The following NUCKS1 variants were observed in gnomAD, a reference collection of about 807,000 sequenced individuals.
NUCKS1 encodes nuclear casein kinase and cyclin dependent kinase substrate 1.
Under a neutral mutation model 33.0 loss-of-function variants are expected in NUCKS1, and 2 were observed. That is an observed-to-expected ratio of 0.06 (90% CI 0.02 to 0.19). The LOEUF is 0.19. Ranked by LOEUF, NUCKS1 falls within the 10% of genes least tolerant of loss-of-function variation. The pLI, the probability that NUCKS1 is intolerant of heterozygous loss-of-function variation, is 1.00. For synonymous variants in NUCKS1, 106 were observed against 102.8 expected, an observed-to-expected ratio of 1.03 and a Z score of -0.19; for missense variants, 201 against 293.6, an observed-to-expected ratio of 0.68 and a Z score of 2.31.
Position 205,750,049 on chromosome 1 carries a change from C to T in NUCKS1, c.-76G>A. The T allele has an allele frequency of 9.3e-7, 1 of 1,081,074 alleles. No individual in the cohort carries two copies. The highest frequency in any genetic ancestry group is 1.7e-5 in the African/African-American group (1 of 57,568). The allele number at this position is 1,081,074 out of a possible 1,614,324, so 67.0% of individuals were successfully genotyped here. On this transcript the variant is annotated 5_prime_UTR_variant, in exon 1 of 7. The change creates a new upstream start codon in the 5' untranslated region. Transcript: ENST00000367142. ...CCCACCCCGCGCGCTCGGCGCCCCACCCCCCCCGAACTTCAGCCGATGGGA... is the reference window on the plus strand; with the variant it reads ...CCCACCCCGCGCGCTCGGCGCCCCATCCCCCCCGAACTTCAGCCGATGGGA...
rs111265946 is a variant in NUCKS1, at chr1:205,750,063, C to A, written c.-90G>T. The A allele has an allele frequency of 0.059, 70,686 of 1,192,850 alleles. 2,035 individuals are homozygous for A. Among genetic ancestry groups the A allele is most frequent in the Non-Finnish European group, 0.067 (59,730 of 893,784 alleles). The allele number at this position is 1,192,850 out of a possible 1,614,324, so 73.9% of individuals were successfully genotyped here. On this transcript the variant is annotated 5_prime_UTR_variant, in exon 1 of 7. Transcript: ENST00000367142. ...TCGGCGCCCCACCCCCCCCGAACTT[C>A]AGCCGATGGGACCGCTGCTGCCGAA...
intron 1 of NUCKS1, 25 bp downstream of exon 1, chr1:205,749,932 T>G: frequency 2.0e-6 from 3 of 1,536,768 alleles, no homozygotes; most frequent in Non-Finnish European, 1.8e-6. Context: ...TCCAACCCGC[T>G]CCAGGCCTCA....
intron 1 of NUCKS1, among the ~76,000 whole-genome samples, chr1:205,748,381 T>C (rs1186029642): frequency 1.3e-5 from 2 of 152,196 alleles, no homozygotes; most frequent in East Asian, 1.9e-4. Flanking sequence ...AGACAAAAGA[T>C]CCAATCCAGG....
chr1:205,730,984 T>G (rs1653897282), intron 1 of NUCKS1, among the ~76,000 whole-genome samples: 2 of 152,228 alleles, frequency 1.3e-5, no homozygotes, highest in Admixed American at 6.5e-5. Flanking sequence ...AGGTTATTAC[T>G]AAGCTTTTCA....
In NUCKS1 at chr1:205,719,639, A is replaced by G; in HGVS notation, c.420T>C (p.Asp140=). 6.2e-7 allele frequency: 1 copy of G among 1,612,398 alleles called. No individual in the cohort carries two copies. Among genetic ancestry groups the G allele is most frequent in the Non-Finnish European group, 8.5e-7 (1 of 1,179,570 alleles). The part of the protein sequence containing the change: ...SGSDEDFLME[D]DDDSDYGSSK... ...AACTGCCATAGTCACTATCGTCATC[A>G]TCTTCCATTAGGAAATCTTCATCGC... The change falls in exon 6 of 7, where the codon GAT becomes GAC. Residue 140 remains aspartate, a synonymous_variant. Coordinates refer to ENST00000367142, the MANE Select transcript of NUCKS1 (RefSeq NM_022731.5).
At chr1:205,733,943 T>C (rs756304245) in intron 1 of NUCKS1, among the ~76,000 whole-genome samples, 19 of 152,162 alleles carry the variant, frequency 1.2e-4, no homozygotes, top group Non-Finnish European at 2.4e-4. Flanking sequence ...GTGGCAGTCA[T>C]AGCTCACTGC....
intron 1 of NUCKS1, among the ~76,000 whole-genome samples, chr1:205,749,677 G>A (rs1654433976): frequency 6.6e-6 from 1 of 152,132 alleles, no homozygotes. Flanking sequence ...GCGGCTCAGG[G>A]ACACCCCGCC....
At chr1:205,734,811 C>T (rs959341284) in intron 1 of NUCKS1, among the ~76,000 whole-genome samples, 5 of 152,086 alleles carry the variant, frequency 3.3e-5, no homozygotes, top group Non-Finnish European at 7.4e-5. Context: ...ACAAGAATCG[C>T]TTGAACCCGG....
At chr1:205,742,812 G>GA (rs1491145574) in intron 1 of NUCKS1, among the ~76,000 whole-genome samples, 1 of 152,026 alleles carries the variant, frequency 6.6e-6, no homozygotes, top group Non-Finnish European at 1.5e-5. Context: ...AGGACAGAGC[G>GA]AGACTCGGTC....
At chr1:205,747,208 T>C (rs906692779) in intron 1 of NUCKS1, among the ~76,000 whole-genome samples, 1 of 152,184 alleles carries the variant, frequency 6.6e-6, no homozygotes, top group African/African-American at 2.4e-5. Context: ...AAATCTAGGT[T>C]CTCAGCCCAA....
rs906772872 is a variant in NUCKS1 at position 205,713,360 on chromosome 1, T to C, written c.*4920A>G. 4 of 152,166 alleles carry C rather than the reference T, an allele frequency of 2.6e-5. No homozygotes were observed. The highest frequency in any genetic ancestry group is 5.9e-5 in the Non-Finnish European group (4 of 68,044). 9.4% of individuals were successfully genotyped at this position (152,166 alleles called of 1,614,324 possible). On this transcript the variant is annotated 3_prime_UTR_variant, in exon 7 of 7. Transcript: ENST00000367142. ...CTCAACAATAAAGGCTTCTTTTTCT[T>C]ATTTTTTTAATACAAAATACAAGCA...
Position 205,718,172 on chromosome 1 carries a change from T to C in NUCKS1, c.*108A>G. 1 of 1,400,730 alleles carries C rather than the reference T, an allele frequency of 7.1e-7. No homozygotes were observed. The highest frequency in any genetic ancestry group is 9.2e-7 in the Non-Finnish European group (1 of 1,082,548). The allele number at this position is 1,400,730 out of a possible 1,614,324, so 86.8% of individuals were successfully genotyped here. On this transcript the variant is annotated 3_prime_UTR_variant, in exon 7 of 7. Transcript: ENST00000367142. ...CACTGAAAGCCCATGAGTCAAGCCA[T>C]AGCCAAAACCATGTTCTATCTTAAG... is the stretch of plus-strand genomic sequence containing the variant.
At chr1:205,731,702 C>T (rs891956426) in intron 1 of NUCKS1, among the ~76,000 whole-genome samples, 3 of 151,982 alleles carry the variant, frequency 2.0e-5, no homozygotes, top group Non-Finnish European at 4.4e-5. Flanking sequence ...CCATCCTGGC[C>T]AACGTGGTGA....
At position 205,730,447 on chromosome 1, in the gene NUCKS1, A is replaced by G. The variant is rs538165859; in HGVS notation, c.18-826T>C. On this transcript the variant is annotated intron_variant, in intron 1 of 6. Coordinates refer to ENST00000367142, the MANE Select transcript of NUCKS1 (RefSeq NM_022731.5). ...ACAAGTATGTCAAGCTACAATTCTC[A>G]TACTGCTCATCTCAGTGATAATTCA... Among the ~76,000 whole-genome samples the G allele has an allele frequency of 3.1e-3, 473 of 152,148 alleles. 8 individuals carry two copies. Among genetic ancestry groups the G allele is most frequent in the Non-Finnish European group, 4.8e-3 (324 of 67,994 alleles).
intron 1 of NUCKS1, among the ~76,000 whole-genome samples, chr1:205,738,316 C>T (rs1293693073): frequency 6.6e-6 from 1 of 152,010 alleles, no homozygotes; most frequent in Non-Finnish European, 1.5e-5. Flanking sequence ...GCATGAGCCA[C>T]CATGCCCAGC....
At chr1:205,724,151 G>A (rs993620025) in intron 3 of NUCKS1, 170 bp from the exon 4 acceptor site, 2 of 651,362 alleles carry the variant, frequency 3.1e-6, no homozygotes, top group Non-Finnish European at 2.8e-6. Flanking sequence ...GGATGCTGGT[G>A]AATAAGCACA....
intron 4 of NUCKS1, among the ~76,000 whole-genome samples, chr1:205,722,956 C>A (rs1935025): frequency 0.22 from 34,147 of 152,110 alleles, 4,334 homozygotes; most frequent in Admixed American, 0.32. Context: ...AGAAGCTTAG[C>A]TTAATACTAG....
chr1:205,731,483 A>T (rs1016514970), intron 1 of NUCKS1: 1 of 152,314 alleles, frequency 6.6e-6, no homozygotes, highest in South Asian at 2.1e-4. Flanking sequence ...TCTTCTCTAG[A>T]GATATACATG....
At chr1:205,738,440 AT>A (rs34617208) in intron 1 of NUCKS1, among the ~76,000 whole-genome samples, 6,001 of 140,690 alleles carry the variant, frequency 0.043, 131 homozygotes, top group Non-Finnish European at 0.063. Context: ...TGCCCAGCTA[AT>A]TTTTTTTTTT....
Sources: gnomAD v4.1 joint callset for allele counts (sites outside exome capture counted in the v4.1 genomes callset) on GRCh38, gnomAD v4.1.1 for gene constraint, MANE v1.5 for transcripts, NCBI Gene and HGNC (gene_info 2026-07-23, HGNC 2026-07-21) for gene names.